Variants in NUDCD1 observed in about 807,000 individuals in gnomAD.
The protein encoded by NUDCD1 is nudC domain-containing protein 1.
A neutral mutation model predicts 67.8 loss-of-function variants in NUDCD1; 60 were observed. The ratio of observed to expected loss-of-function variants is 0.88; its 90% CI spans 0.72 to 1.10. The LOEUF is 1.10. Among genes scored for constraint, NUDCD1 ranks in the 50% least tolerant of loss-of-function variants. The pLI is 0.00. For missense variants in NUDCD1, 643 were observed against 695.0 expected (o/e 0.93, Z 0.84); for synonymous variants, 244 against 230.8 (o/e 1.06, Z -0.52).
chr8:109,275,534 C>A, intron 6 of NUDCD1, 38 bp from the exon 7 acceptor site: 1 of 1,541,684 alleles, frequency 6.5e-7, no homozygotes, highest in Non-Finnish European at 8.9e-7. Flanking sequence ...TTACATTAAG[C>A]AATTATACAA....
At chr8:109,300,902 T>G (rs1452422542) in intron 2 of NUDCD1, among the ~76,000 whole-genome samples, 1 of 152,236 alleles carries the variant, frequency 6.6e-6, no homozygotes, top group African/African-American at 2.4e-5. Flanking sequence ...AGCAGATTTG[T>G]CAGCTGAAGC....
Position 109,322,289 on chromosome 8 carries a change from T to C in NUDCD1, c.273+20A>G. The C allele has an allele frequency of 7.5e-7, 1 of 1,335,494 alleles. No individual in the cohort carries two copies. Among genetic ancestry groups the C allele is most frequent in the Middle Eastern group, 2.4e-4 (1 of 4,082 alleles). The allele number at this position is 1,335,494 out of a possible 1,614,324, so 82.7% of individuals were successfully genotyped here. A position where few individuals can be genotyped will look rare whatever the true frequency, so the allele number is the denominator to read the frequency against. On this transcript the variant is annotated intron_variant, in intron 2 of 9. Transcript: ENST00000239690. ...GATATTACATACATATATTAATTAT[T>C]ACATACATGTTTCTCTTACCAGCAT...
chr8:109,289,137 G>A (rs913999644), intron 5 of NUDCD1, among the ~76,000 whole-genome samples: 1 of 151,610 alleles, frequency 6.6e-6, no homozygotes, highest in Non-Finnish European at 1.5e-5. Context: ...CACCACATCC[G>A]GATTTTTTTT....
At position 109,334,060 on chromosome 8, in the gene NUDCD1, T is replaced by G; in HGVS notation, c.-50A>C. On this transcript the variant is annotated 5_prime_UTR_variant, in exon 1 of 10. Coordinates refer to ENST00000239690, the MANE Select transcript of NUDCD1 (RefSeq NM_032869.4). ...AATTAATAAAGCCCTTGTTGAAAGGTCCGCGCTTCACGCCTCGCACAGAGA... is the reference window on the plus strand; with the variant it reads ...AATTAATAAAGCCCTTGTTGAAAGGGCCGCGCTTCACGCCTCGCACAGAGA... 1 of 1,611,196 alleles carries G rather than the reference T, an allele frequency of 6.2e-7. No homozygotes were observed. The highest frequency in any genetic ancestry group is 8.5e-7 in the Non-Finnish European group (1 of 1,178,280).
intron 1 of NUDCD1, among the ~76,000 whole-genome samples, chr8:109,332,282 G>C (rs1433771180): frequency 6.6e-6 from 1 of 152,168 alleles, no homozygotes; most frequent in African/African-American, 2.4e-5. Context: ...TCAGGTAAGA[G>C]ATAACTCTGA....
intron 8 of NUDCD1, among the ~76,000 whole-genome samples, chr8:109,269,551 T>C (rs955453477): frequency 6.6e-6 from 1 of 152,166 alleles, no homozygotes; most frequent in Non-Finnish European, 1.5e-5. Flanking sequence ...CATGACACTT[T>C]TAACTTCGGT....
chr8:109,326,139 G>A (rs549494677), intron 1 of NUDCD1, among the ~76,000 whole-genome samples: 1 of 152,294 alleles, frequency 6.6e-6, no homozygotes, highest in African/African-American at 2.4e-5. Context: ...TCTGTGCAAA[G>A]ACCTCTGGGC....
intron 5 of NUDCD1, among the ~76,000 whole-genome samples, chr8:109,282,097 T>C (rs1348706636): frequency 2.0e-5 from 3 of 152,058 alleles, no homozygotes; most frequent in Non-Finnish European, 2.9e-5. Context: ...AGGTAGATTC[T>C]CCCTCAGCGC....
Position 109,242,936 on chromosome 8 carries a change from C to T in NUDCD1, c.*73G>A. 2.2e-6 allele frequency: 2 copies of T among 911,512 alleles called. No homozygotes were observed. The highest frequency in any genetic ancestry group is 1.7e-5 in the South Asian group (1 of 59,632). 56.5% of individuals were successfully genotyped at this position (911,512 alleles called of 1,614,324 possible). ...TAGCACATTAAAACTTAAGAGGTTA[C>T]AGTATAACTGTCCAGACCTCCAGGT... On this transcript the variant is annotated 3_prime_UTR_variant, in exon 10 of 10. Transcript: ENST00000239690.
chr8:109,329,142 G>A (rs974197141), intron 1 of NUDCD1, among the ~76,000 whole-genome samples: 10 of 150,536 alleles, frequency 6.6e-5, no homozygotes, highest in Non-Finnish European at 1.3e-4. Context: ...AAAAAAAAAA[G>A]TAAACGGAAC....
At chr8:109,256,424 T>G (rs1284617419) in intron 8 of NUDCD1, among the ~76,000 whole-genome samples, 1 of 150,762 alleles carries the variant, frequency 6.6e-6, no homozygotes, top group African/African-American at 2.4e-5. Context: ...TTTGTGAAAC[T>G]TTTGCATCAG....
At chr8:109,253,228 A>G (rs1208476545) in intron 8 of NUDCD1, among the ~76,000 whole-genome samples, 1 of 152,228 alleles carries the variant, frequency 6.6e-6, no homozygotes, top group Non-Finnish European at 1.5e-5. Flanking sequence ...CAAAAAATAA[A>G]CAATTCAAGC....
intron 4 of NUDCD1, among the ~76,000 whole-genome samples, chr8:109,290,880 GT>G (rs1207609576): frequency 6.6e-6 from 1 of 152,060 alleles, no homozygotes; most frequent in Non-Finnish European, 1.5e-5. Flanking sequence ...ATATCTCATT[GT>G]TTTTACTCAA....
intron 8 of NUDCD1, among the ~76,000 whole-genome samples, chr8:109,268,349 T>C (rs1392191335): frequency 6.6e-6 from 1 of 152,218 alleles, no homozygotes; most frequent in African/African-American, 2.4e-5. Flanking sequence ...CCAGAGCTGA[T>C]GTAACATTGC....
chr8:109,314,472 C>A (rs897679454), intron 2 of NUDCD1, among the ~76,000 whole-genome samples: 1 of 152,138 alleles, frequency 6.6e-6, no homozygotes, highest in African/African-American at 2.4e-5. Context: ...AGCTCCACTG[C>A]TAGAAAATGA....
chr8:109,329,832 G>A, intron 1 of NUDCD1: 4 of 1,550,884 alleles, frequency 2.6e-6, no homozygotes, highest in Non-Finnish European at 3.5e-6. Flanking sequence ...TGGAGATAAA[G>A]CATTGAAAAC....
At chr8:109,255,152 T>C (rs945236487) in intron 8 of NUDCD1, among the ~76,000 whole-genome samples, 12 of 152,184 alleles carry the variant, frequency 7.9e-5, no homozygotes, top group African/African-American at 2.7e-4. Context: ...GTCCATTTTA[T>C]AGCGACTATT....
intron 7 of NUDCD1, among the ~76,000 whole-genome samples, chr8:109,274,726 G>T (rs1401832094): frequency 1.3e-5 from 2 of 152,036 alleles, no homozygotes; most frequent in East Asian, 3.9e-4. Flanking sequence ...TATAATTCAA[G>T]ATGGCAATAA....
chr8:109,276,590 AAAT>A (rs548441183), intron 6 of NUDCD1, among the ~76,000 whole-genome samples: 187 of 152,324 alleles, frequency 1.2e-3, no homozygotes, highest in Middle Eastern at 6.8e-3. Context: ...AGACTATACA[AAAT>A]AATAATATGA....
Sources: gnomAD v4.1 joint callset for allele counts (sites outside exome capture counted in the v4.1 genomes callset) on GRCh38, gnomAD v4.1.1 for gene constraint, MANE v1.5 for transcripts, NCBI Gene and HGNC (gene_info 2026-07-23, HGNC 2026-07-21) for gene names.